Variants in NOSIP observed in about 807,000 individuals in gnomAD.
The protein encoded by NOSIP is nitric oxide synthase-interacting protein.
NOSIP carries 25 observed loss-of-function variants against 36.4 expected under a neutral mutation model. That is an observed-to-expected ratio of 0.69 (90% CI 0.50 to 0.96). NOSIP has a LOEUF of 0.96. Among genes scored for constraint, NOSIP ranks in the 40% least tolerant of loss-of-function variants. NOSIP has a pLI of 0.00. For missense variants in NOSIP, 370 were observed against 429.0 expected, an observed-to-expected ratio of 0.86 and a Z score of 1.21; for synonymous variants, 187 against 179.2, an observed-to-expected ratio of 1.04 and a Z score of -0.35.
At chr19:49,556,496 A>G in intron 7 of NOSIP, 53 bp downstream of exon 7, 1 of 1,608,106 alleles carries the variant, frequency 6.2e-7, no homozygotes, top group Non-Finnish European at 8.5e-7. Context: ...CCAAAGCCGG[A>G]CCGCCCCGCA....
chr19:49,569,199 C>CT (rs71180641), intron 1 of NOSIP, among the ~76,000 whole-genome samples: 11,949 of 127,412 alleles, frequency 0.094, 644 homozygotes, highest in Non-Finnish European at 0.12. Flanking sequence ...TACAATGATA[C>CT]TTTTTTTTTT....
rs2080289975 is a variant in NOSIP at position 49,558,661 on chromosome 19, A to G, written c.258+236T>C. On this transcript the variant is annotated intron_variant, in intron 4 of 8. Transcript: ENST00000596358. ...TCAGACAGCCACATGTACAGCTACA[A>G]CTATGCTAAGTGCTAAGAGAAGAGG... 7.1e-6 allele frequency: 4 copies of G among 562,294 alleles called. No individual in the cohort carries two copies. In the Admixed American group the frequency reaches 9.0e-5, roughly 13 times the overall value. The allele number at this position is 562,294 out of a possible 1,614,324, so 34.8% of individuals were successfully genotyped here.
chr19:49,576,245 TGCTTTGGGA>T (rs1406338003), intron 1 of NOSIP, among the ~76,000 whole-genome samples: 5 of 151,606 alleles, frequency 3.3e-5, no homozygotes, highest in Admixed American at 6.6e-5. Context: ...CTGGATAGGG[TGCTTTGGGA>T]GGCAAAGGCA....
chr19:49,557,334 C>T, intron 4 of NOSIP, 85 bp from the exon 5 acceptor site: 4 of 1,480,162 alleles, frequency 2.7e-6, no homozygotes, highest in Non-Finnish European at 3.6e-6. Context: ...AACTGAGGCC[C>T]ACAAAGGGGA....
Position 49,558,899 on chromosome 19 carries a change from T to G in NOSIP, c.256A>C (p.Lys86Gln). 1 of 1,613,714 alleles carries G rather than the reference T, an allele frequency of 6.2e-7. No homozygotes were observed. The highest frequency in any genetic ancestry group is 8.5e-7 in the Non-Finnish European group (1 of 1,179,688). ...HQKKEIARQM[K>Q]AYEKQRGTRR... ...CGCCTCCTCCCCATCCCCATCACCT[T>G]CATCTGCCGGGCAATCTCCTTCTTC... is the stretch of plus-strand genomic sequence containing the variant. The change falls in exon 4 of 9, where the codon AAG becomes CAG. Residue 86 changes from lysine to glutamine, a missense_variant and splice_region_variant. Transcript: ENST00000596358.
Position 49,556,738 on chromosome 19 carries a change from T to C in NOSIP, c.538-2A>G. On this transcript the variant is annotated splice_acceptor_variant, in intron 6 of 8. Transcript: ENST00000596358. LOFTEE classifies it high-confidence loss of function. ...CATGGGGCAGGTCACCGTGCGGGAC[T>C]GCAAGGGGCAGAGAGAGGCGGGCTC... 1 of 1,605,014 alleles carries C rather than the reference T, an allele frequency of 6.2e-7. No homozygotes were observed. The highest frequency in any genetic ancestry group is 1.1e-5 in the South Asian group (1 of 90,448).
intron 1 of NOSIP, chr19:49,566,794 C>CATATATATATACATATATAT (rs2080414016): frequency 2.7e-4 from 38 of 142,944 alleles, no homozygotes; most frequent in African/African-American, 9.4e-4. Flanking sequence ...CATATACATA[C>CATATATATATACATATATAT]ATATATATAT....
At chr19:49,557,990 T>A (rs939424097) in intron 4 of NOSIP, 2 of 952,072 alleles carry the variant, frequency 2.1e-6, no homozygotes, top group African/African-American at 1.8e-5. Flanking sequence ...CTGTAGTGTT[T>A]CCTGAGCGCC....
At chr19:49,559,596 C>T (rs1441403043) in intron 3 of NOSIP, 2 of 287,702 alleles carry the variant, frequency 7.0e-6, no homozygotes, top group African/African-American at 2.2e-5. Flanking sequence ...TAATTGAGCA[C>T]GTATTTAGTG....
chr19:49,556,815 G>A, intron 6 of NOSIP, 60 bp downstream of exon 6: 1 of 1,596,000 alleles, frequency 6.3e-7, no homozygotes, highest in Non-Finnish European at 8.6e-7. Flanking sequence ...TGCGTGAGGA[G>A]GACGGTGGGG....
chr19:49,576,141 A>C (rs2080550267), intron 1 of NOSIP, among the ~76,000 whole-genome samples: 2 of 152,224 alleles, frequency 1.3e-5, no homozygotes, highest in African/African-American at 4.8e-5. Flanking sequence ...TCTTATAAAA[A>C]AAAAATGTTA....
At chr19:49,556,289 G>A (rs759827174) in intron 8 of NOSIP, 28 bp downstream of exon 8, 3 of 1,506,810 alleles carry the variant, frequency 2.0e-6, no homozygotes, top group Non-Finnish European at 2.7e-6. Flanking sequence ...TTGGAGTGCT[G>A]GGGGAAGGGG....
rs769870703 is a variant in NOSIP, at chr19:49,556,334, T to C, written c.817A>G (p.Ile273Val). 1 of 1,612,714 alleles carries C rather than the reference T, an allele frequency of 6.2e-7. No individual in the cohort carries two copies. The highest frequency in any genetic ancestry group is 8.5e-7 in the Non-Finnish European group (1 of 1,179,404). The change falls in exon 8 of 9, where the codon ATC becomes GTC. Residue 273 changes from isoleucine to valine, a missense_variant. This residue lies in a region of NOSIP where 315 missense variants were observed against 331.9 expected (regional missense o/e 0.95). Transcript: ENST00000596358. ...ACTCTTACCCGCTGCAGCACGATGA[T>C]GTCGCGGTCTGTGAGTTTGTCTCCA... ...VTGDKLTDRD[I>V]IVLQRGGTGF...
Position 49,555,569 on chromosome 19 carries a change from C to A in NOSIP, c.*182G>T, listed in dbSNP as rs2080224813. ...CCACCGTGCCTGGCCAGATTTTGTT[C>A]TTAATGTGAGACCACATTCAATATG... is the stretch of plus-strand genomic sequence containing the variant. On this transcript the variant is annotated 3_prime_UTR_variant, in exon 9 of 9. Transcript: ENST00000596358. The A allele has an allele frequency of 1.8e-6, 1 of 555,096 alleles. No individual in the cohort carries two copies. The highest frequency in any genetic ancestry group is 3.3e-6 in the Non-Finnish European group (1 of 304,412). 34.4% of individuals were successfully genotyped at this position (555,096 alleles called of 1,614,324 possible).
intron 8 of NOSIP, 137 bp downstream of exon 8, chr19:49,556,180 G>C (rs2080240770): frequency 6.9e-6 from 3 of 433,424 alleles, no homozygotes; most frequent in South Asian, 2.3e-5. Context: ...CGGGGGGGGG[G>C]GGCGGCCTTA....
intron 1 of NOSIP, among the ~76,000 whole-genome samples, chr19:49,568,694 C>T (rs1003746013): frequency 6.6e-6 from 1 of 151,228 alleles, no homozygotes; most frequent in Non-Finnish European, 1.5e-5. Context: ...CCTGTAATCC[C>T]AACACTTTGG....
rs2080319741 is a variant in NOSIP at position 49,560,602 on chromosome 19, T to C, written c.70+20A>G. On this transcript the variant is annotated intron_variant, in intron 2 of 8. Coordinates refer to ENST00000596358, the MANE Select transcript of NOSIP (RefSeq NM_001270960.2). This position sits in a 1 kb window ranked among gnomAD's most constrained non-coding sequence, Gnocchi z 4.6. ...CCAAGACACAGCCATGTCCCGCCTC[T>C]TCCCACCCCAGCCCTGCACCTGTGT... 1.3e-6 allele frequency: 2 copies of C among 1,568,054 alleles called. No homozygotes were observed. Among genetic ancestry groups the C allele is most frequent in the Middle Eastern group, 3.3e-4 (2 of 6,016 alleles).
chr19:49,568,801 T>C (rs1287679997), intron 1 of NOSIP, among the ~76,000 whole-genome samples: 1 of 118,734 alleles, frequency 8.4e-6, no homozygotes, highest in Non-Finnish European at 1.6e-5. Flanking sequence ...AAAAATAGTT[T>C]GTTTGTTTGT....
chr19:49,559,438 A>C (rs2080301448), intron 3 of NOSIP: 1 of 178,964 alleles, frequency 5.6e-6, no homozygotes, highest in South Asian at 1.1e-4. Context: ...GGATCACCTG[A>C]GCCTGGGATA....
Sources: allele counts gnomAD v4.1 joint callset (sites outside exome capture counted in the v4.1 genomes callset), GRCh38; gene constraint gnomAD v4.1.1; regional missense constraint gnomAD v4.1.1; non-coding constraint Gnocchi (gnomAD v3.1); transcripts MANE v1.5; gene names NCBI Gene and HGNC (gene_info 2026-07-23, HGNC 2026-07-21).